The following TRPM3 variants were observed in gnomAD, a reference collection of about 807,000 sequenced individuals.
The protein encoded by TRPM3 is long transient receptor potential channel 3.
A neutral mutation model predicts 181.2 loss-of-function variants in TRPM3; 77 were observed. The observed-to-expected ratio is 0.42, with a 90% confidence interval of 0.35 to 0.51. TRPM3 has a LOEUF of 0.51. TRPM3 is among the 20% of genes least tolerant of loss of function. The probability of loss-of-function intolerance (pLI) is 0.01; values close to 1 mark genes in which losing one functional copy is unlikely to be tolerated. For synonymous variants in TRPM3, 745 were observed against 796.4 expected (o/e 0.94, Z 1.09); for missense variants, 1,759 against 2,196.7 (o/e 0.80, Z 3.98).
At chr9:70,778,414 T>A (rs150400019) in intron 7 of TRPM3, among the ~76,000 whole-genome samples, 219 of 152,292 alleles carry the variant, frequency 1.4e-3, no homozygotes, top group Middle Eastern at 0.01. Context: ...GCCTTATTCA[T>A]CTTCCAACAG....
intron 1 of TRPM3, among the ~76,000 whole-genome samples, chr9:71,035,455 C>T (rs1350816534): frequency 6.6e-6 from 1 of 152,208 alleles, no homozygotes; most frequent in Admixed American, 6.5e-5. Context: ...GCAGCTCATG[C>T]CTGTAATCCC....
chr9:70,675,519 T>G (rs1329485217), intron 9 of TRPM3, among the ~76,000 whole-genome samples: 1 of 152,230 alleles, frequency 6.6e-6, no homozygotes, highest in Non-Finnish European at 1.5e-5. Context: ...TAATTTTGTC[T>G]GAAGATCAGA....
chr9:71,327,547 G>C (rs1438500758), intron 1 of TRPM3, among the ~76,000 whole-genome samples: 1 of 152,034 alleles, frequency 6.6e-6, no homozygotes, highest in Non-Finnish European at 1.5e-5. Flanking sequence ...CTAGGAACAG[G>C]GAAAACAGTG....
chr9:70,632,830 C>CA (rs1335132800), intron 12 of TRPM3, among the ~76,000 whole-genome samples: 1 of 152,264 alleles, frequency 6.6e-6, no homozygotes, highest in South Asian at 2.1e-4. Context: ...TGAGAAGCTA[C>CA]AAAAAACCCT....
At chr9:70,982,682 T>C (rs1383545161) in intron 1 of TRPM3, among the ~76,000 whole-genome samples, 2 of 152,182 alleles carry the variant, frequency 1.3e-5, no homozygotes, top group Admixed American at 6.5e-5. Flanking sequence ...AAAGACAAAC[T>C]TGTTGAAAGT....
chr9:70,773,216 T>C (rs1188385893), intron 7 of TRPM3, among the ~76,000 whole-genome samples: 1 of 152,178 alleles, frequency 6.6e-6, no homozygotes, highest in Admixed American at 6.5e-5. Flanking sequence ...GGTCCCACCT[T>C]CTTAGAGGAC....
At position 71,104,799 on chromosome 9, in the gene TRPM3, T is replaced by A. The variant is rs143619037; in HGVS notation, c.177+16379A>T. ...TTATAATCACAATGAGAAAAAGCTA[T>A]ACAGAATGGCTAAAACTAAAAAAAG... On this transcript the variant is annotated intron_variant, in intron 1 of 25. Transcript: ENST00000677713. Among the ~76,000 whole-genome samples, 5 of 152,268 alleles carry A rather than the reference T, an allele frequency of 3.3e-5. No homozygotes were observed. The East Asian group carries it at 9.7e-4, about 29-fold the overall frequency.
intron 1 of TRPM3, among the ~76,000 whole-genome samples, chr9:71,035,859 G>A (rs748566849): frequency 6.6e-6 from 1 of 151,968 alleles, no homozygotes; most frequent in Non-Finnish European, 1.5e-5. Flanking sequence ...TCTAGTGAAG[G>A]CCATAAAATA....
intron 1 of TRPM3, among the ~76,000 whole-genome samples, chr9:70,987,646 C>T (rs907043233): frequency 6.6e-6 from 1 of 152,036 alleles, no homozygotes; most frequent in Non-Finnish European, 1.5e-5. Flanking sequence ...TCATTTTTAT[C>T]ATTCTGAGAA....
intron 1 of TRPM3, among the ~76,000 whole-genome samples, chr9:70,975,376 T>C (rs892687230): frequency 2.0e-5 from 3 of 152,356 alleles, no homozygotes; most frequent in East Asian, 1.9e-4. Context: ...GAAAATCATT[T>C]TGACCATCTC....
At chr9:71,062,631 T>C (rs1341867071) in intron 1 of TRPM3, among the ~76,000 whole-genome samples, 2 of 152,140 alleles carry the variant, frequency 1.3e-5, no homozygotes, top group Non-Finnish European at 1.5e-5. Flanking sequence ...ACAAAATTCA[T>C]GTGTAGGAAA....
chr9:70,669,722 T>TTTTC (rs565129714), intron 9 of TRPM3, among the ~76,000 whole-genome samples: 71 of 150,816 alleles, frequency 4.7e-4, no homozygotes, highest in Middle Eastern at 6.8e-3. Flanking sequence ...TTTTCTTTTC[T>TTTTC]TTTCTTTCTT....
intron 1 of TRPM3, among the ~76,000 whole-genome samples, chr9:71,154,381 T>C (rs1352242271): frequency 6.6e-6 from 1 of 152,158 alleles, no homozygotes; most frequent in Non-Finnish European, 1.5e-5. Context: ...GCAAGTCTTT[T>C]TTCTGGGCTT....
intron 9 of TRPM3, among the ~76,000 whole-genome samples, chr9:70,677,620 T>C (rs2064334316): frequency 6.6e-6 from 1 of 152,246 alleles, no homozygotes; most frequent in Admixed American, 6.5e-5. Context: ...AGACTCTTTC[T>C]GTGTAATCAT....
At chr9:71,435,654 C>T (rs747634267) in intron 1 of TRPM3, among the ~76,000 whole-genome samples, 39 of 152,268 alleles carry the variant, frequency 2.6e-4, no homozygotes, top group Non-Finnish European at 5.3e-4. Context: ...TCTAGTGAAG[C>T]GTTAACAAAT....
chr9:70,570,609 G>A (rs534843921), intron 22 of TRPM3, among the ~76,000 whole-genome samples: 5 of 152,096 alleles, frequency 3.3e-5, no homozygotes, highest in South Asian at 2.1e-4. Flanking sequence ...CACGGCGTCC[G>A]GCCTTAGATA....
intron 9 of TRPM3, among the ~76,000 whole-genome samples, chr9:70,665,106 T>A (rs2061667968): frequency 6.6e-6 from 1 of 152,126 alleles, no homozygotes; most frequent in South Asian, 2.1e-4. Flanking sequence ...TAAAGGCCAC[T>A]TCTCTTCTGA....
At chr9:70,865,565 G>A (rs191732983) in intron 1 of TRPM3, 1 of 152,194 alleles carries the variant, frequency 6.6e-6, no homozygotes, top group Admixed American at 6.6e-5. Context: ...GGTGTTAACT[G>A]TTATAAGCCC....
intron 9 of TRPM3, among the ~76,000 whole-genome samples, chr9:70,679,760 A>G (rs1478071836): frequency 6.6e-6 from 1 of 152,220 alleles, no homozygotes; most frequent in Non-Finnish European, 1.5e-5. Flanking sequence ...CATCCAACAC[A>G]GTGTTTGGCA....
Sources: allele counts gnomAD v4.1 joint callset (sites outside exome capture counted in the v4.1 genomes callset), GRCh38; gene constraint gnomAD v4.1.1; transcripts MANE v1.5; gene names NCBI Gene and HGNC (gene_info 2026-07-23, HGNC 2026-07-21).